Variants in OR9Q1 observed in about 807,000 individuals in gnomAD.
OR9Q1 encodes the protein olfactory receptor family 9 subfamily Q member 1.
For missense variants in OR9Q1, 374 were observed against 378.8 expected, an observed-to-expected ratio of 0.99 and a Z score of 0.11; for synonymous variants, 153 against 148.6, an observed-to-expected ratio of 1.03 and a Z score of -0.22.
chr11:58,127,373 C>A (rs1286159306), intron 2 of OR9Q1, among the ~76,000 whole-genome samples: 1 of 152,116 alleles, frequency 6.6e-6, no homozygotes, highest in Non-Finnish European at 1.5e-5. Context: ...AAGGAGAAAC[C>A]TGTAAGGGAG....
Position 58,112,831 on chromosome 11 carries a change from C to G in OR9Q1, c.-15+56884C>G, listed in dbSNP as rs375441015. On this transcript the variant is annotated intron_variant, in intron 2 of 2. Coordinates refer to ENST00000335397, the MANE Select transcript of OR9Q1 (RefSeq NM_001005212.4). The stretch of plus-strand genomic sequence containing the variant: ...GCAAGCATCTGAGTGACTTGTTTTT[C>G]CAGTGTTTAGGGATCACTCATTGTG... 3.3e-4 allele frequency among the ~76,000 whole-genome samples: 50 copies of G among 152,252 alleles called. No homozygotes were observed. In the South Asian group the frequency reaches 9.7e-3, roughly 30 times the overall value.
intron 2 of OR9Q1, among the ~76,000 whole-genome samples, chr11:58,156,208 C>T (rs1854406295): frequency 6.6e-6 from 1 of 152,158 alleles, no homozygotes; most frequent in African/African-American, 2.4e-5. Flanking sequence ...CCACTGTGAC[C>T]AGCCAGTGTT....
intron 2 of OR9Q1, among the ~76,000 whole-genome samples, chr11:58,066,548 C>T (rs534802507): frequency 7.9e-5 from 12 of 152,290 alleles, no homozygotes; most frequent in African/African-American, 1.9e-4. Flanking sequence ...ATATCTTCAG[C>T]GTTCTCCAGG....
intron 2 of OR9Q1, among the ~76,000 whole-genome samples, chr11:58,081,707 T>G (rs1349042605): frequency 6.6e-6 from 1 of 152,144 alleles, no homozygotes; most frequent in African/African-American, 2.4e-5. Flanking sequence ...CTTTGTAGAT[T>G]CTGGATATTA....
intron 2 of OR9Q1, among the ~76,000 whole-genome samples, chr11:58,056,626 A>G (rs1853331003): frequency 6.6e-6 from 1 of 152,234 alleles, no homozygotes; most frequent in South Asian, 2.1e-4. Flanking sequence ...TTTGCACTAC[A>G]ACAGCAGAGT....
In OR9Q1 at chr11:58,124,224, C is replaced by G. The variant is rs141737457; in HGVS notation, c.-14-55207C>G. 5.9e-5 allele frequency among the ~76,000 whole-genome samples: 9 copies of G among 152,194 alleles called. No individual in the cohort carries two copies. The East Asian group carries it at 1.5e-3, about 26-fold the overall frequency. Reference sequence around the variant, plus strand: ...AACAACCAACTCCCCGAACCCAGGACAGTTTATGAAAGGGAAAGCAACGGT... The same window carrying G: ...AACAACCAACTCCCCGAACCCAGGAGAGTTTATGAAAGGGAAAGCAACGGT... On this transcript the variant is annotated intron_variant, in intron 2 of 2. Transcript: ENST00000335397.
At chr11:58,146,980 A>G (rs778370809) in intron 2 of OR9Q1, among the ~76,000 whole-genome samples, 10 of 152,176 alleles carry the variant, frequency 6.6e-5, no homozygotes, top group Non-Finnish European at 5.9e-5. Flanking sequence ...ACGAATTTTT[A>G]AAAGATTCCT....
At position 58,056,261 on chromosome 11, in the gene OR9Q1, C is replaced by T. The variant is rs372588801; in HGVS notation, c.-15+314C>T. On this transcript the variant is annotated intron_variant, in intron 2 of 2. Coordinates refer to ENST00000335397, the MANE Select transcript of OR9Q1 (RefSeq NM_001005212.4). ...TCCTGAAAATTTAACAGTTGACCTT[C>T]GCTGTCAGAGCCAGTTCTCTCTGTT... is the stretch of plus-strand genomic sequence containing the variant. 9.2e-5 allele frequency among the ~76,000 whole-genome samples: 14 copies of T among 152,098 alleles called. 1 individual carries two copies. In the East Asian group the frequency reaches 9.6e-4, roughly 10 times the overall value.
chr11:58,055,664 G>A (rs866795797), intron 1 of OR9Q1, among the ~76,000 whole-genome samples: 1 of 152,036 alleles, frequency 6.6e-6, no homozygotes, highest in Non-Finnish European at 1.5e-5. Context: ...GCCAGGCATG[G>A]TGGCATGTGC....
intron 2 of OR9Q1, chr11:58,077,619 CT>C (rs1158121428): frequency 1.3e-5 from 2 of 152,132 alleles, no homozygotes; most frequent in African/African-American, 4.8e-5. Flanking sequence ...CCTCAAAGCC[CT>C]GATGATTAGC....
intron 2 of OR9Q1, among the ~76,000 whole-genome samples, chr11:58,148,842 C>T (rs1011428898): frequency 2.0e-5 from 3 of 152,138 alleles, no homozygotes; most frequent in South Asian, 2.1e-4. Flanking sequence ...AGTGGGCTGT[C>T]GGCTTCCCTG....
chr11:58,082,296 A>C (rs896902358), intron 2 of OR9Q1, among the ~76,000 whole-genome samples: 1 of 152,020 alleles, frequency 6.6e-6, no homozygotes, highest in African/African-American at 2.4e-5. Flanking sequence ...CACATGCACA[A>C]GTATGTTTAT....
intron 1 of OR9Q1, chr11:58,044,698 T>C (rs1396577731): frequency 2.0e-5 from 3 of 152,230 alleles, no homozygotes; most frequent in Admixed American, 1.3e-4. Context: ...GTATATCAGG[T>C]ACTGTACAGG....
chr11:58,120,971 T>G (rs539950622), intron 2 of OR9Q1, among the ~76,000 whole-genome samples: 9 of 152,030 alleles, frequency 5.9e-5, no homozygotes, highest in South Asian at 2.1e-4. Context: ...TGGGAATGCT[T>G]GCTAATTTAA....
intron 2 of OR9Q1, among the ~76,000 whole-genome samples, chr11:58,159,533 G>A (rs1565093389): frequency 6.6e-6 from 1 of 152,104 alleles, no homozygotes; most frequent in Non-Finnish European, 1.5e-5. Flanking sequence ...CTTCCTGCAG[G>A]CAGCCAACCA....
intron 1 of OR9Q1, among the ~76,000 whole-genome samples, chr11:58,042,165 T>G (rs1404306977): frequency 6.6e-6 from 1 of 151,872 alleles, no homozygotes. Context: ...TATTCCATAG[T>G]GATTTTAAGG....
chr11:58,066,439 G>A (rs551576423), intron 2 of OR9Q1, among the ~76,000 whole-genome samples: 14 of 152,160 alleles, frequency 9.2e-5, no homozygotes, highest in Admixed American at 3.3e-4. Context: ...TGCCTGCTTC[G>A]TTTGCGAGGA....
intron 2 of OR9Q1, among the ~76,000 whole-genome samples, chr11:58,062,800 G>T (rs1853392389): frequency 6.6e-6 from 1 of 152,160 alleles, no homozygotes; most frequent in African/African-American, 2.4e-5. Context: ...AAGCAATCCT[G>T]TCAATTAGAT....
intron 2 of OR9Q1, among the ~76,000 whole-genome samples, chr11:58,136,578 A>G (rs1217667949): frequency 6.6e-6 from 1 of 152,132 alleles, no homozygotes; most frequent in Admixed American, 6.5e-5. Flanking sequence ...TGGCGGTTCT[A>G]TTGAGAATTA....
Sources: gnomAD v4.1 joint callset for allele counts (sites outside exome capture counted in the v4.1 genomes callset) on GRCh38, gnomAD v4.1.1 for gene constraint, MANE v1.5 for transcripts, NCBI Gene and HGNC (gene_info 2026-07-23, HGNC 2026-07-21) for gene names.